The following CEP164 variants were observed in gnomAD, a reference collection of about 807,000 sequenced individuals.
CEP164 encodes the protein centrosomal protein 164.
A neutral mutation model predicts 182.7 loss-of-function variants in CEP164; 162 were observed. The observed-to-expected ratio is 0.89, with a 90% CI of 0.78 to 1.01. The LOEUF (loss-of-function observed/expected upper bound fraction) is 1.01, where lower values mean the gene tolerates loss of function less well. CEP164 is among the 50% of genes least tolerant of loss of function. The pLI is 0.00. For synonymous variants in CEP164, 661 were observed against 690.0 expected, an observed-to-expected ratio of 0.96 and a Z score of 0.66; for missense variants, 1,735 against 1,790.4, an observed-to-expected ratio of 0.97 and a Z score of 0.56.
chr11:117,334,078 T>C (rs533960985), intron 1 of CEP164, among the ~76,000 whole-genome samples: 4 of 152,366 alleles, frequency 2.6e-5, no homozygotes, highest in African/African-American at 9.6e-5. Context: ...CCCTCGGTTC[T>C]AATTATACAT....
At chr11:117,376,092 C>T (rs1445311013) in intron 11 of CEP164, among the ~76,000 whole-genome samples, 1 of 151,312 alleles carries the variant, frequency 6.6e-6, no homozygotes, top group East Asian at 1.9e-4. Flanking sequence ...TTTCAAGGCA[C>T]TTCCCATCCT....
chr11:117,361,415 A>G (rs1205951029), intron 5 of CEP164, among the ~76,000 whole-genome samples: 1 of 137,580 alleles, frequency 7.3e-6, no homozygotes, highest in Non-Finnish European at 1.6e-5. Flanking sequence ...TAATTTTTGT[A>G]TTTTTTAGTA....
intron 5 of CEP164, among the ~76,000 whole-genome samples, chr11:117,360,359 A>T (rs1454895395): frequency 6.6e-6 from 1 of 152,038 alleles, no homozygotes; most frequent in Admixed American, 6.6e-5. Context: ...TTGTAGAGAC[A>T]GTGTCTCACT....
intron 1 of CEP164, among the ~76,000 whole-genome samples, chr11:117,328,688 A>AT (rs765839569): frequency 1.3e-4 from 20 of 152,110 alleles, no homozygotes; most frequent in African/African-American, 3.9e-4. Context: ...CTCCTCTTGT[A>AT]TTTTTTTATC....
In CEP164 at chr11:117,375,829, A is replaced by G; in HGVS notation, c.1317+38A>G. On this transcript the variant is annotated intron_variant, in intron 11 of 32. Coordinates refer to ENST00000278935, the MANE Select transcript of CEP164 (RefSeq NM_014956.5). The stretch of plus-strand genomic sequence containing the variant: ...GGGTGGTGGGCTGAGCTGGGGCCTC[A>G]TTTTCCCTCACAACTTTTTCGGATG... The G allele has an allele frequency of 2.5e-6, 4 of 1,592,124 alleles. No individual in the cohort carries two copies. In the South Asian group the frequency reaches 3.3e-5, roughly 13 times the overall value.
Position 117,336,130 on chromosome 11 carries a change from C to T in CEP164, c.-22+450C>T, listed in dbSNP as rs1591978239. 6 of 1,552,594 alleles carry T rather than the reference C, an allele frequency of 3.9e-6. No individual in the cohort carries two copies. In the East Asian group the frequency reaches 9.7e-5, roughly 25 times the overall value. ...GCACAAGGGCTACTTTCCCCCAGTA[C>T]AACATGGCTTCTGAAGCTTGATGGG... On this transcript the variant is annotated intron_variant, in intron 2 of 32. Coordinates refer to ENST00000278935, the MANE Select transcript of CEP164 (RefSeq NM_014956.5).
intron 11 of CEP164, among the ~76,000 whole-genome samples, chr11:117,379,736 A>T (rs1009829282): frequency 1.3e-5 from 2 of 151,190 alleles, no homozygotes; most frequent in Non-Finnish European, 2.9e-5. Flanking sequence ...CAAAGGGTTG[A>T]CCCCAGGCCG....
At chr11:117,325,776 G>A (rs144481207), upstream of CEP164, among the ~76,000 whole-genome samples, 2 of 152,104 alleles carry the variant, frequency 1.3e-5, no homozygotes, top group African/African-American at 2.4e-5. Context: ...TGCTGCAGAA[G>A]GATTTAAATT....
chr11:117,407,523 C>T (rs1362225524), intron 27 of CEP164, among the ~76,000 whole-genome samples: 3 of 146,316 alleles, frequency 2.1e-5, no homozygotes, highest in Non-Finnish European at 4.5e-5. Flanking sequence ...TGTGGTGGCA[C>T]ACATCTGTAG....
chr11:117,324,420 C>G (rs556034), upstream of CEP164, among the ~76,000 whole-genome samples: 5,670 of 149,724 alleles, frequency 0.038, 184 homozygotes, highest in Non-Finnish European at 0.059. Flanking sequence ...GCACTCCAGC[C>G]TGGGCAACAA....
At chr11:117,350,329 G>C (rs1565449381) in intron 4 of CEP164, among the ~76,000 whole-genome samples, 1 of 152,022 alleles carries the variant, frequency 6.6e-6, no homozygotes, top group African/African-American at 2.4e-5. Flanking sequence ...CAAGTCTCCT[G>C]AGTAACTGGG....
chr11:117,363,572 C>T (rs949970866), intron 8 of CEP164, 66 bp downstream of exon 8: 1 of 1,167,372 alleles, frequency 8.6e-7, no homozygotes, highest in African/African-American at 1.5e-5. Context: ...TTTATTAAGC[C>T]CTGCTACTTT....
At position 117,412,093 on chromosome 11, in the gene CEP164, C is replaced by G. The variant is rs762219450; in HGVS notation, c.4308C>G (p.Pro1436=). The part of the protein sequence containing the change: ...DPRLPLFSST[P]KPKATLSLLQ... ...CCAGACCTCTCTTCTCGTCAACACC[C>G]AAGCCAAAAGCTACTTTGAGCCTCC... The change falls in exon 33 of 33, where the codon CCC becomes CCG. Residue 1436 remains proline, a synonymous_variant. Transcript: ENST00000278935. 6 of 1,614,178 alleles carry G rather than the reference C, an allele frequency of 3.7e-6. No homozygotes were observed. In the Admixed American group the frequency reaches 6.7e-5, roughly 18 times the overall value.
Position 117,392,536 on chromosome 11 carries a change from A to G in CEP164, c.2402A>G (p.Gln801Arg), listed in dbSNP as rs2044800767. 6.2e-7 allele frequency: 1 copy of G among 1,614,182 alleles called. No individual in the cohort carries two copies. The highest frequency in any genetic ancestry group is 8.5e-7 in the Non-Finnish European group (1 of 1,180,030). The change falls in exon 19 of 33, where the codon CAG becomes CGG. Residue 801 changes from glutamine to arginine, a missense_variant. Physicochemically the swap from Gln to Arg is conservative, Grantham distance 43 (BLOSUM62 1). Coordinates refer to ENST00000278935, the MANE Select transcript of CEP164 (RefSeq NM_014956.5). ...SLQKKIQEAQ[Q>R]KEEAQLQKCL... ...CAGAAGAAGATACAGGAAGCTCAAC[A>G]GAAAGAGGAGGCCCAGCTGCAGAAG... is the stretch of plus-strand genomic sequence containing the variant.
At chr11:117,336,287 C>A in intron 2 of CEP164, 1 of 1,545,906 alleles carries the variant, frequency 6.5e-7, no homozygotes, top group South Asian at 1.1e-5. Flanking sequence ...TTTTTATGAG[C>A]TTTCTTCATT....
At chr11:117,324,617 A>T (rs759373831), upstream of CEP164, among the ~76,000 whole-genome samples, 21 of 152,186 alleles carry the variant, frequency 1.4e-4, no homozygotes, top group Non-Finnish European at 2.5e-4. Context: ...AATCCTGTTA[A>T]TCCCACAGTA....
At chr11:117,405,485 C>T (rs1252852751) in intron 27 of CEP164, among the ~76,000 whole-genome samples, 3 of 152,168 alleles carry the variant, frequency 2.0e-5, no homozygotes, top group Non-Finnish European at 4.4e-5. Flanking sequence ...GCTGCACCCA[C>T]TGTCTAACCA....
chr11:117,394,227 C>T lies in CEP164; in HGVS notation c.2617-123C>T, dbSNP rs1592380218. Reference sequence around the variant, plus strand: ...AACCCTCCTCTTCTCCAAGAGCTGGCTTTAGGGAGCCGATGGTGTCCCTGA... The same window carrying T: ...AACCCTCCTCTTCTCCAAGAGCTGGTTTTAGGGAGCCGATGGTGTCCCTGA... On this transcript the variant is annotated intron_variant, in intron 20 of 32. Coordinates refer to ENST00000278935, the MANE Select transcript of CEP164 (RefSeq NM_014956.5). The surrounding 1 kb of genome is among the most constrained non-coding windows in gnomAD (Gnocchi z 4.0). 10 of 1,326,634 alleles carry T rather than the reference C, an allele frequency of 7.5e-6. No individual in the cohort carries two copies. Among genetic ancestry groups the T allele is most frequent in the Non-Finnish European group, 1.0e-5 (10 of 969,426 alleles). 82.2% of individuals were successfully genotyped at this position (1,326,634 alleles called of 1,614,324 possible). A position where few individuals can be genotyped will look rare whatever the true frequency, so the allele number is the denominator to read the frequency against.
chr11:117,351,722 TCCCC>T, intron 4 of CEP164, 64 bp from the exon 5 acceptor site: 1 of 1,469,712 alleles, frequency 6.8e-7, no homozygotes, highest in Admixed American at 2.0e-5. Context: ...TTTCTTTTTT[TCCCC>T]TCTTTTTTTT....
Sources: allele counts gnomAD v4.1 joint callset (sites outside exome capture counted in the v4.1 genomes callset), GRCh38; gene constraint gnomAD v4.1.1; non-coding constraint Gnocchi (gnomAD v3.1); transcripts MANE v1.5; gene names NCBI Gene and HGNC (gene_info 2026-07-23, HGNC 2026-07-21).